The following PAICS variants were observed in gnomAD, a reference collection of about 807,000 sequenced individuals.
The protein encoded by PAICS is phosphoribosylaminoimidazole carboxylase and phosphoribosylaminoimidazolesuccinocarboxamide synthase.
PAICS carries 33 observed loss-of-function variants against 53.7 expected under a neutral mutation model. That is an observed-to-expected ratio of 0.61 (90% CI 0.47 to 0.82). The LOEUF (loss-of-function observed/expected upper bound fraction) is 0.82, where lower values mean the gene tolerates loss of function less well. PAICS is among the 40% of genes least tolerant of loss of function. PAICS has a pLI of 0.00. For synonymous variants in PAICS, 141 were observed against 167.2 expected (o/e 0.84, Z 1.21); for missense variants, 394 against 494.1 (o/e 0.80, Z 1.92).
At chr4:56,419,125 GT>G in the PAICS span, among the ~76,000 whole-genome samples, 4 of 152,290 alleles carry the variant, frequency 2.6e-5, no homozygotes. Flanking sequence ...CAGAGTGGTG[GT>G]TTTTAAATGC....
At chr4:56,442,692 T>C (rs1224510331) in intron 2 of PAICS, among the ~76,000 whole-genome samples, 1 of 152,218 alleles carries the variant, frequency 6.6e-6, no homozygotes, top group East Asian at 1.9e-4. Flanking sequence ...ATTTTATAAT[T>C]TAATAACTTT....
At chr4:56,433,550 A>AG (rs1717719069), upstream of PAICS, among the ~76,000 whole-genome samples, 1 of 151,974 alleles carries the variant, frequency 6.6e-6, no homozygotes, top group East Asian at 1.9e-4. Context: ...GGAAGGAGAA[A>AG]GGGGGATGAA....
intron 8 of PAICS, among the ~76,000 whole-genome samples, chr4:56,455,334 C>T (rs1719139020): frequency 6.6e-6 from 1 of 152,306 alleles, no homozygotes; most frequent in East Asian, 1.9e-4. Flanking sequence ...AAATCCCTAA[C>T]TTTTCTCATA....
chr4:56,458,929 G>A (rs918109891), intron 8 of PAICS, among the ~76,000 whole-genome samples: 6 of 152,176 alleles, frequency 3.9e-5, no homozygotes, highest in Non-Finnish European at 7.4e-5. Context: ...TATTAAAATA[G>A]TTCAAATGCA....
At chr4:56,446,903 T>C (rs1718649155) in intron 3 of PAICS, 30 bp downstream of exon 3, 1 of 1,335,712 alleles carries the variant, frequency 7.5e-7, no homozygotes, top group Non-Finnish European at 1.0e-6. Context: ...GTTTTATGTC[T>C]TACTGTAACA....
intron 5 of PAICS, among the ~76,000 whole-genome samples, chr4:56,450,102 A>G (rs556122092): frequency 6.6e-6 from 1 of 152,328 alleles, no homozygotes; most frequent in African/African-American, 2.4e-5. Flanking sequence ...GTTCTCACTC[A>G]TAAGTGGGAG....
chr4:56,416,105 A>G, the PAICS span, among the ~76,000 whole-genome samples: 1 of 152,118 alleles, frequency 6.6e-6, no homozygotes, highest in Admixed American at 6.6e-5. Flanking sequence ...TTGAAAACTA[A>G]CTACAACCAT....
intron 2 of PAICS, among the ~76,000 whole-genome samples, chr4:56,442,461 G>A (rs1718389347): frequency 6.6e-6 from 1 of 152,216 alleles, no homozygotes; most frequent in Admixed American, 6.5e-5. Context: ...AGAACATTGT[G>A]TGGTGGGTAT....
the PAICS span, among the ~76,000 whole-genome samples, chr4:56,417,483 AT>A: frequency 6.6e-6 from 1 of 152,164 alleles, no homozygotes; most frequent in South Asian, 2.1e-4. Flanking sequence ...TAATTGTAAT[AT>A]TTAATTTTAA....
chr4:56,429,213 AAAG>A, the PAICS span, among the ~76,000 whole-genome samples: 2 of 152,198 alleles, frequency 1.3e-5, no homozygotes, highest in African/African-American at 4.8e-5. Flanking sequence ...TTATATTTTA[AAAG>A]AAGAAGAAAG....
chr4:56,438,626 T>G (rs1255093386), intron 1 of PAICS, among the ~76,000 whole-genome samples: 1 of 151,050 alleles, frequency 6.6e-6, no homozygotes, highest in Non-Finnish European at 1.5e-5. Flanking sequence ...TTTAGTAGAG[T>G]CAGGGTTTTG....
intron 3 of PAICS, among the ~76,000 whole-genome samples, chr4:56,448,100 C>T (rs12511770): frequency 0.16 from 24,633 of 150,582 alleles, 2,379 homozygotes; most frequent in Admixed American, 0.32. Context: ...CTCCACCTCC[C>T]GGGTTTAAAT....
the PAICS span, chr4:56,419,979 G>C: frequency 1.0e-6 from 1 of 985,118 alleles, no homozygotes; most frequent in African/African-American, 1.7e-5. Flanking sequence ...AAAATCACGA[G>C]ACCAGGAATC....
intron 6 of PAICS, among the ~76,000 whole-genome samples, chr4:56,451,473 A>C (rs1718914345): frequency 6.6e-6 from 1 of 152,168 alleles, no homozygotes; most frequent in Admixed American, 6.5e-5. Flanking sequence ...ATATATTTTG[A>C]GTTACAAGCA....
At chr4:56,449,386 TGA>T (rs1443013223) in intron 5 of PAICS, among the ~76,000 whole-genome samples, 1 of 152,176 alleles carries the variant, frequency 6.6e-6, no homozygotes, top group Non-Finnish European at 1.5e-5. Flanking sequence ...GGAGAGGCTA[TGA>T]AGAAATAGGA....
chr4:56,436,359 T>C, intron 1 of PAICS, 31 bp downstream of exon 1: 1 of 1,501,102 alleles, frequency 6.7e-7, no homozygotes, highest in East Asian at 2.3e-5. Flanking sequence ...CCCTTCACGG[T>C]CTCCCTGACC....
the PAICS span, chr4:56,423,393 T>C: frequency 2.6e-5 from 4 of 152,124 alleles, no homozygotes; most frequent in South Asian, 2.1e-4. Flanking sequence ...GATGCTAAGA[T>C]TGAAGCATGA....
upstream of PAICS, chr4:56,435,693 G>C (rs564367114): frequency 1.7e-5 from 25 of 1,456,192 alleles, no homozygotes; most frequent in African/African-American, 2.5e-4. Flanking sequence ...CAACGAGCGA[G>C]GGCGGAGGGG....
chr4:56,437,445 A>T lies in PAICS; in HGVS notation c.16+1117A>T, dbSNP rs1191451716. Among the ~76,000 whole-genome samples the T allele has an allele frequency of 2.6e-5, 4 of 152,244 alleles. No homozygotes were observed. The East Asian group carries it at 7.7e-4, about 29-fold the overall frequency. On this transcript the variant is annotated intron_variant, in intron 1 of 8. Coordinates refer to ENST00000512576, the MANE Select transcript of PAICS (RefSeq NM_001079524.2). ...TTTTTTCCACACACCCAGTTGCTAT[A>T]TGTATAGTGAGGCAAATTGCTTTTG...
Sources: gnomAD v4.1 joint callset for allele counts (sites outside exome capture counted in the v4.1 genomes callset) on GRCh38, gnomAD v4.1.1 for gene constraint, MANE v1.5 for transcripts, NCBI Gene and HGNC (gene_info 2026-07-23, HGNC 2026-07-21) for gene names.